The following MBD5 variants were observed in gnomAD, a reference collection of about 807,000 sequenced individuals.
MBD5 encodes methyl-CpG-binding domain protein 5.
Under a neutral mutation model 117.3 loss-of-function variants are expected in MBD5, and 13 were observed. The ratio of observed to expected loss-of-function variants is 0.11; its 90% CI spans 0.07 to 0.18. The LOEUF is 0.18. Ranked by LOEUF, MBD5 falls within the 10% of genes least tolerant of loss-of-function variation. The pLI is 1.00. For missense variants in MBD5, 1,879 were observed against 2,093.8 expected (o/e 0.90, Z 2.00); for synonymous variants, 727 against 766.4 (o/e 0.95, Z 0.85).
chr2:148,139,283 C>T (rs769920959), intron 1 of MBD5, among the ~76,000 whole-genome samples: 3 of 152,018 alleles, frequency 2.0e-5, no homozygotes, highest in Non-Finnish European at 4.4e-5. Context: ...CTCGGCTCAC[C>T]GCAACCTCCA....
intron 4 of MBD5, among the ~76,000 whole-genome samples, chr2:148,428,482 C>T (rs1705880281): frequency 1.3e-5 from 2 of 151,832 alleles, no homozygotes; most frequent in Admixed American, 1.3e-4. Context: ...CTTCAAAGAA[C>T]TAGAAAAACT....
chr2:148,427,371 T>A (rs1178294701), intron 4 of MBD5, among the ~76,000 whole-genome samples: 4 of 152,186 alleles, frequency 2.6e-5, no homozygotes, highest in African/African-American at 9.7e-5. Flanking sequence ...ACTGCGGCAC[T>A]ATTCACAATA....
At chr2:148,233,080 C>T (rs1188870927) in intron 2 of MBD5, among the ~76,000 whole-genome samples, 165 bp from the exon 3 acceptor site, 7 of 152,082 alleles carry the variant, frequency 4.6e-5, no homozygotes, top group Non-Finnish European at 8.8e-5. Flanking sequence ...TTTGAATCTT[C>T]AGTCTTAAAT....
intron 1 of MBD5, among the ~76,000 whole-genome samples, chr2:148,158,088 A>T (rs1697916942): frequency 6.6e-6 from 1 of 152,164 alleles, no homozygotes; most frequent in Admixed American, 6.5e-5. Flanking sequence ...GCTAGCATTA[A>T]TTAGAATGTT....
intron 4 of MBD5, among the ~76,000 whole-genome samples, chr2:148,348,276 T>TA (rs1703172017): frequency 6.6e-6 from 1 of 151,926 alleles, no homozygotes; most frequent in Non-Finnish European, 1.5e-5. Context: ...TCCCTCTTGA[T>TA]AAAATCTAGA....
In MBD5 at chr2:148,345,396, CATATATACACATAT is replaced by C. The variant is rs1445025109; in HGVS notation, c.-557+3062_-557+3075del. On this transcript the variant is annotated intron_variant, in intron 4 of 13. Coordinates refer to ENST00000642680, the MANE Select transcript of MBD5 (RefSeq NM_001378120.1). ...ATACACATATACACATATACATATA[CATATATACACATAT>C]ACATATACATATATACACATATACA... 8.1e-5 allele frequency among the ~76,000 whole-genome samples: 8 copies of C among 99,222 alleles called. 1 individual carries two copies. The highest frequency in any genetic ancestry group is 1.0e-3 in the South Asian group (2 of 1,998). 65.1% of individuals were successfully genotyped at this position (99,222 alleles called of 152,430 possible). A position where few individuals can be genotyped will look rare whatever the true frequency, so the allele number is the denominator to read the frequency against.
rs529341580 is a variant in MBD5 at position 148,465,608 on chromosome 2, A to G, written c.397+1689A>G. 2.6e-5 allele frequency among the ~76,000 whole-genome samples: 4 copies of G among 152,278 alleles called. No individual in the cohort carries two copies. The East Asian group carries it at 5.8e-4, about 22-fold the overall frequency. On this transcript the variant is annotated intron_variant, in intron 7 of 13. Coordinates refer to ENST00000642680, the MANE Select transcript of MBD5 (RefSeq NM_001378120.1). ...TTAGAAAATAGTAGGATTTAGACAT[A>G]TAAGAGGGATAGGAAAAACCTTCTC...
At chr2:148,384,925 C>G (rs1704296888) in intron 4 of MBD5, among the ~76,000 whole-genome samples, 1 of 152,060 alleles carries the variant, frequency 6.6e-6, no homozygotes, top group Admixed American at 6.5e-5. Flanking sequence ...AAAGCTGAAA[C>G]TGAATCCCTT....
intron 1 of MBD5, among the ~76,000 whole-genome samples, chr2:148,132,331 CATAT>C (rs59188623): frequency 0.85 from 122,809 of 144,530 alleles, 52,341 homozygotes; most frequent in Admixed American, 0.88. Flanking sequence ...TATATATATA[CATAT>C]ATATATATAT....
intron 2 of MBD5, among the ~76,000 whole-genome samples, chr2:148,215,259 G>C (rs1699523257): frequency 6.6e-6 from 1 of 152,140 alleles, no homozygotes; most frequent in Admixed American, 6.5e-5. Context: ...TACATCGCCA[G>C]CCCCCAAAAT....
At chr2:148,070,101 C>T (rs1695310646) in intron 1 of MBD5, among the ~76,000 whole-genome samples, 1 of 152,154 alleles carries the variant, frequency 6.6e-6, no homozygotes, top group African/African-American at 2.4e-5. Context: ...TCCATTCCCC[C>T]ACCACAAACA....
chr2:148,274,852 A>G (rs1269559913), intron 3 of MBD5, among the ~76,000 whole-genome samples: 2 of 151,732 alleles, frequency 1.3e-5, no homozygotes, highest in African/African-American at 4.8e-5. Context: ...CCTCTCAAGT[A>G]GCTGGGATTA....
At position 148,258,403 on chromosome 2, in the gene MBD5, C is replaced by T. The variant is rs149959816; in HGVS notation, c.-680+25008C>T. Among the ~76,000 whole-genome samples the T allele has an allele frequency of 3.3e-4, 51 of 152,246 alleles. No individual in the cohort carries two copies. The East Asian group carries it at 9.5e-3, about 28-fold the overall frequency. On this transcript the variant is annotated intron_variant, in intron 3 of 13. Coordinates refer to ENST00000642680, the MANE Select transcript of MBD5 (RefSeq NM_001378120.1). ...TTGCCCAGAAACTTATTCAGGTTCC[C>T]ATAAAGAAGGCTGCAATCTGCACCG...
intron 4 of MBD5, among the ~76,000 whole-genome samples, chr2:148,350,808 T>G (rs17355620): frequency 1.3e-5 from 2 of 152,074 alleles, no homozygotes; most frequent in Admixed American, 1.3e-4. Flanking sequence ...CTTCAGTTGA[T>G]AGTGAGACAC....
intron 3 of MBD5, among the ~76,000 whole-genome samples, chr2:148,238,391 C>G (rs1700137135): frequency 6.6e-6 from 1 of 152,140 alleles, no homozygotes; most frequent in African/African-American, 2.4e-5. Flanking sequence ...AAGTCAACCA[C>G]TATTATTTAG....
intron 1 of MBD5, among the ~76,000 whole-genome samples, chr2:148,174,631 T>G (rs1698338957): frequency 6.6e-6 from 1 of 151,902 alleles, no homozygotes; most frequent in Non-Finnish European, 1.5e-5. Flanking sequence ...CATTAAAAAT[T>G]GGAAACGGAC....
chr2:148,105,739 T>C (rs1166501541), intron 1 of MBD5, among the ~76,000 whole-genome samples: 2 of 152,166 alleles, frequency 1.3e-5, no homozygotes, highest in African/African-American at 4.8e-5. Context: ...ATTTTGTTTT[T>C]CTTATTAAAC....
Position 148,021,488 on chromosome 2 carries a change from T to G in MBD5, c.-1121T>G. On this transcript the variant is annotated 5_prime_UTR_variant, in exon 1 of 14. Coordinates refer to ENST00000642680, the MANE Select transcript of MBD5 (RefSeq NM_001378120.1). ...TTGCTGCTGCTGCTGCTGTTGCTGC[T>G]GCTGCTGCTACTGCTGCTGCTGCTA... The G allele has an allele frequency of 1.7e-6, 1 of 577,294 alleles. No homozygotes were observed. Among genetic ancestry groups the G allele is most frequent in the East Asian group, 4.5e-5 (1 of 22,362 alleles). The allele number at this position is 577,294 out of a possible 1,614,324, so 35.8% of individuals were successfully genotyped here.
intron 3 of MBD5, among the ~76,000 whole-genome samples, chr2:148,300,409 A>G (rs973081719): frequency 4.6e-5 from 7 of 152,066 alleles, no homozygotes; most frequent in Admixed American, 3.3e-4. Context: ...TTAAGATCCA[A>G]TGCTATTCTC....
Sources: allele counts gnomAD v4.1 joint callset (sites outside exome capture counted in the v4.1 genomes callset), GRCh38; gene constraint gnomAD v4.1.1; transcripts MANE v1.5; gene names NCBI Gene and HGNC (gene_info 2026-07-23, HGNC 2026-07-21).